Variants in CORO7 observed in about 807,000 individuals in gnomAD.
CORO7 encodes the protein coronin 7, also known as coronin-7.
CORO7 carries 107 observed loss-of-function variants against 126.6 expected under a neutral mutation model. The ratio of observed to expected loss-of-function variants is 0.85; its 90% CI spans 0.72 to 0.99. CORO7 has a LOEUF of 0.99. Ranked by LOEUF, CORO7 falls within the 50% of genes least tolerant of loss-of-function variation. CORO7 has a pLI of 0.00. For missense variants in CORO7, 1,314 were observed against 1,255.8 expected (o/e 1.05, Z -0.70); for synonymous variants, 603 against 536.8 (o/e 1.12, Z -1.70).
intron 9 of CORO7, chr16:4,382,918 A>C: frequency 6.8e-7 from 1 of 1,479,910 alleles, no homozygotes; most frequent in Non-Finnish European, 9.0e-7. Context: ...GAGACAGGGC[A>C]GCTGGGGCCG....
At chr16:4,415,922 G>C (rs1324208829) in intron 1 of CORO7, 3 of 985,176 alleles carry the variant, frequency 3.0e-6, no homozygotes, top group African/African-American at 1.7e-5. Context: ...AGCGGCGAGA[G>C]GAGGAAGCAC....
chr16:4,372,897 T>A (rs1283733557), intron 9 of CORO7, among the ~76,000 whole-genome samples: 1 of 152,060 alleles, frequency 6.6e-6, no homozygotes, highest in African/African-American at 2.4e-5. Flanking sequence ...CAAGGACAGG[T>A]GAGGCTCTGG....
chr16:4,405,107 G>A (rs71388577), intron 6 of CORO7, among the ~76,000 whole-genome samples: 11,956 of 152,138 alleles, frequency 0.079, 722 homozygotes, highest in South Asian at 0.23. Flanking sequence ...TACTGTCCTC[G>A]ACGGAAGTCA....
Position 4,360,461 on chromosome 16 carries a change from C to A in CORO7, c.2005G>T (p.Gly669Cys). Residue 669 changes from glycine (G) to cysteine (C), a missense_variant, in exon 20 of 28, where the codon GGC becomes TGC. Transcript: ENST00000251166. ...GRVRVYRPRSGPEPLQEGPGP... is the reference protein window; with the variant it reads ...GRVRVYRPRSCPEPLQEGPGP... The stretch of plus-strand genomic sequence containing the variant: ...GTGCTCACCTGCAGGGGCTCAGGGC[C>A]ACTCCGGGGCCTGTAGACCCGCACA... 1.9e-6 allele frequency: 3 copies of A among 1,612,590 alleles called. No individual in the cohort carries two copies. Among genetic ancestry groups the A allele is most frequent in the Non-Finnish European group, 2.5e-6 (3 of 1,179,752 alleles).
intron 6 of CORO7, among the ~76,000 whole-genome samples, chr16:4,400,797 C>CAATAATAATAATAAT (rs373023916): frequency 0.024 from 3,411 of 139,282 alleles, 48 homozygotes; most frequent in African/African-American, 0.035. Flanking sequence ...TCCAGCAGTG[C>CAATAATAATAATAAT]AATAATAATA....
chr16:4,415,918 G>T (rs533637484), intron 1 of CORO7: 1 of 985,564 alleles, frequency 1.0e-6, no homozygotes, highest in Non-Finnish European at 1.2e-6. Flanking sequence ...CGCCAGCGGC[G>T]AGAGGAGGAA....
In CORO7 at chr16:4,405,505, C is replaced by T. The variant is rs958292324; in HGVS notation, c.550G>A (p.Gly184Ser). ...TGCCTGCTCACCTTGCACGCCGTGC[C>T]CACCAGGGCTCCATCTCGGCTCCAG... ...AVWSRDGALV[G>S]TACKDKQLRI... Residue 184 changes from glycine (G) to serine (S), a missense_variant, in exon 6 of 28, where the codon GGC (glycine) becomes AGC (serine). Gly to Ser is a moderately conservative substitution (Grantham distance 56). Coordinates refer to ENST00000251166, the MANE Select transcript of CORO7 (RefSeq NM_024535.5). 8 of 1,612,550 alleles carry T rather than the reference C, an allele frequency of 5.0e-6. No individual in the cohort carries two copies. The highest frequency in any genetic ancestry group is 1.3e-5 in the African/African-American group (1 of 74,930).
intron 9 of CORO7, among the ~76,000 whole-genome samples, chr16:4,369,612 C>G (rs2054458100): frequency 6.6e-6 from 1 of 152,224 alleles, no homozygotes; most frequent in African/African-American, 2.4e-5. Flanking sequence ...GCCCCGCCAG[C>G]TCTCCCAGGA....
intron 6 of CORO7, chr16:4,397,551 C>A (rs28789232): frequency 0.76 from 115,202 of 152,068 alleles, 43,806 homozygotes; most frequent in East Asian, 0.78. Flanking sequence ...ACTTGAGCCC[C>A]GGAATTTGAG....
intron 26 of CORO7, 96 bp downstream of exon 26, chr16:4,357,072 G>A: frequency 1.3e-6 from 2 of 1,487,432 alleles, no homozygotes; most frequent in Non-Finnish European, 9.2e-7. Context: ...TGTGGCTGCT[G>A]TCCCAGTCTG....
chr16:4,389,841 C>T (rs1037830394), intron 7 of CORO7, among the ~76,000 whole-genome samples: 1 of 152,192 alleles, frequency 6.6e-6, no homozygotes, highest in African/African-American at 2.4e-5. Context: ...TGCAGCCCAC[C>T]AGGTGGCTCT....
Position 4,361,878 on chromosome 16 carries a change from C to G in CORO7, c.1578+107G>C, listed in dbSNP as rs529123484. On this transcript the variant is annotated intron_variant, in intron 16 of 27. Coordinates refer to ENST00000251166, the MANE Select transcript of CORO7 (RefSeq NM_024535.5). The stretch of plus-strand genomic sequence containing the variant: ...GATCACAGGACAGGCGGGCAGGAGC[C>G]TGACACAAGGTTTGTGCTCCCTGTG... The G allele has an allele frequency of 2.5e-4, 376 of 1,502,704 alleles. 3 individuals carry two copies. The South Asian group carries it at 4.3e-3, about 17-fold the overall frequency. The allele number at this position is 1,502,704 out of a possible 1,614,324, so 93.1% of individuals were successfully genotyped here. A position where few individuals can be genotyped will look rare whatever the true frequency, so the allele number is the denominator to read the frequency against.
intron 9 of CORO7, among the ~76,000 whole-genome samples, chr16:4,376,052 T>C (rs1450387854): frequency 1.2e-4 from 19 of 152,172 alleles, no homozygotes; most frequent in Non-Finnish European, 2.9e-5. Flanking sequence ...CTGACACCCA[T>C]GGGGACCCCC....
intron 26 of CORO7, among the ~76,000 whole-genome samples, chr16:4,356,016 C>T (rs1416525724): frequency 1.3e-5 from 2 of 152,128 alleles, no homozygotes; most frequent in African/African-American, 2.4e-5. Flanking sequence ...TGCAATGGCA[C>T]AATCTCGGCT....
intron 23 of CORO7, 36 bp from the exon 24 acceptor site, chr16:4,358,519 C>A: frequency 6.5e-7 from 1 of 1,547,404 alleles, no homozygotes; most frequent in Non-Finnish European, 8.7e-7. Context: ...GCCGCTGGGA[C>A]CTAGAGCTCA....
chr16:4,398,340 C>A (rs1160429647), intron 6 of CORO7, among the ~76,000 whole-genome samples: 1 of 152,148 alleles, frequency 6.6e-6, no homozygotes, highest in East Asian at 1.9e-4. Context: ...CCCCTGACAC[C>A]CATTAGGATG....
Position 4,413,393 on chromosome 16 carries a change from AC to A in CORO7, c.71del (p.Ser24MetfsTer21), listed in dbSNP as rs2056287793. 1.9e-6 allele frequency: 3 copies of A among 1,573,448 alleles called. No homozygotes were observed. In the African/African-American group the frequency reaches 4.0e-5, roughly 21 times the overall value. Reference protein sequence around the residue: ...ARPPRRESWISDIRAGTAPSC... With the variant: ...ARPPRRESWIXDIRAGTAPSC... ...AAGGGGCGGTTCCTGCTCGAATGTCACTGATCCAGGACTGAAAATCAAGAGT... is the reference window on the plus strand; with the variant it reads ...AAGGGGCGGTTCCTGCTCGAATGTCATGATCCAGGACTGAAAATCAAGAGT... On this transcript the variant is annotated frameshift_variant, in exon 2 of 28. Transcript: ENST00000251166. LOFTEE classifies it high-confidence loss of function.
At chr16:4,402,606 G>A (rs779983294) in intron 6 of CORO7, among the ~76,000 whole-genome samples, 7 of 152,162 alleles carry the variant, frequency 4.6e-5, no homozygotes, top group Non-Finnish European at 7.3e-5. Flanking sequence ...AGGGCTGGGC[G>A]CTGGGGCTAA....
chr16:4,382,999 GGGATGTGTGCAGACAGGGCTGTGT>G, intron 9 of CORO7: 1 of 1,297,274 alleles, frequency 7.7e-7, no homozygotes, highest in Non-Finnish European at 1.0e-6. Flanking sequence ...CCCAACCTCG[GGGATGTGTGCAGACAGGGCTGTGT>G]GACCACAGCT....
Sources: gnomAD v4.1 joint callset for allele counts (sites outside exome capture counted in the v4.1 genomes callset) on GRCh38, gnomAD v4.1.1 for gene constraint, MANE v1.5 for transcripts, NCBI Gene and HGNC (gene_info 2026-07-23, HGNC 2026-07-21) for gene names.